KIAA1958: variants seen among roughly 807,000 people sequenced by gnomAD.
The protein encoded by KIAA1958 is uncharacterized protein KIAA1958.
Under a neutral mutation model 47.2 loss-of-function variants are expected in KIAA1958, and 14 were observed. The ratio of observed to expected loss-of-function variants is 0.30; its 90% confidence interval spans 0.20 to 0.46. KIAA1958 has a LOEUF of 0.46. Among genes scored for constraint, KIAA1958 ranks in the 20% least tolerant of loss-of-function variants. KIAA1958 has a pLI of 1.00. For synonymous variants in KIAA1958, 354 were observed against 353.3 expected (o/e 1.00, Z -0.02); for missense variants, 803 against 909.2 (o/e 0.88, Z 1.50).
At chr9:112,568,963 A>G (rs1205996106) in intron 1 of KIAA1958, among the ~76,000 whole-genome samples, 2 of 149,246 alleles carry the variant, frequency 1.3e-5, no homozygotes, top group South Asian at 4.3e-4. Context: ...AAAAAAAAAA[A>G]AAAATTGACA....
At chr9:112,649,442 A>G (rs1436038750) in intron 3 of KIAA1958, among the ~76,000 whole-genome samples, 1 of 152,030 alleles carries the variant, frequency 6.6e-6, no homozygotes, top group Non-Finnish European at 1.5e-5. Flanking sequence ...TACAGACATG[A>G]GCCACCATAC....
intron 2 of KIAA1958, among the ~76,000 whole-genome samples, chr9:112,590,310 GAGGTGACAACTCCTGACCCATC>G (rs1416300579): frequency 6.6e-6 from 1 of 150,976 alleles, no homozygotes; most frequent in Non-Finnish European, 1.5e-5. Flanking sequence ...GAATCCTCAT[GAGGTGACAACTCCTGACCCATC>G]AAGCTCCAGA....
At chr9:112,536,364 A>G (rs1051558816) in intron 1 of KIAA1958, among the ~76,000 whole-genome samples, 1 of 152,254 alleles carries the variant, frequency 6.6e-6, no homozygotes, top group African/African-American at 2.4e-5. Context: ...TTTAGCCTAT[A>G]GAATACTCAG....
chr9:112,534,089 A>C (rs1271773362), intron 1 of KIAA1958, among the ~76,000 whole-genome samples: 1 of 152,212 alleles, frequency 6.6e-6, no homozygotes, highest in Admixed American at 6.5e-5. Flanking sequence ...CAAGTTACTT[A>C]ACCTCTTTGT....
chr9:112,592,539 C>G lies in KIAA1958; in HGVS notation c.1171+17288C>G, dbSNP rs149949245. On this transcript the variant is annotated intron_variant, in intron 2 of 3. Transcript: ENST00000337530. ...TGTTTTAATGGGTCATTGTAAGGAA[C>G]AAGTTAATCAAAGTAAAGCACTTAG... Among the ~76,000 whole-genome samples the G allele has an allele frequency of 1.1e-4, 17 of 152,302 alleles. No individual in the cohort carries two copies. The East Asian group carries it at 3.3e-3, about 29-fold the overall frequency.
intron 1 of KIAA1958, among the ~76,000 whole-genome samples, chr9:112,552,523 G>A (rs1835168587): frequency 6.6e-6 from 1 of 152,192 alleles, no homozygotes; most frequent in African/African-American, 2.4e-5. Flanking sequence ...CTCTTCACTT[G>A]AGAGGTTTAA....
intron 1 of KIAA1958, among the ~76,000 whole-genome samples, chr9:112,539,452 C>G (rs888078527): frequency 2.0e-5 from 3 of 152,092 alleles, no homozygotes; most frequent in Admixed American, 6.5e-5. Flanking sequence ...ATTTCATTTT[C>G]ATGAAATGGG....
chr9:112,618,475 G>A lies in KIAA1958; in HGVS notation c.1172-27175G>A. Reference sequence around the variant, plus strand: ...GGATGGGTCAGGACACTGGAGACTTGAATGCCAAAACCAAGAGAGGGGGGA... The same window carrying A: ...GGATGGGTCAGGACACTGGAGACTTAAATGCCAAAACCAAGAGAGGGGGGA... On this transcript the variant is annotated intron_variant, in intron 2 of 3. Transcript: ENST00000337530. The surrounding 1 kb of genome is among the most constrained non-coding windows in gnomAD (Gnocchi z 7.1). 1.9e-6 allele frequency: 3 copies of A among 1,550,906 alleles called. No homozygotes were observed. The highest frequency in any genetic ancestry group is 2.6e-6 in the Non-Finnish European group (3 of 1,147,064).
At chr9:112,619,665 G>T (rs148844642) in intron 2 of KIAA1958, among the ~76,000 whole-genome samples, 1 of 152,186 alleles carries the variant, frequency 6.6e-6, no homozygotes, top group African/African-American at 2.4e-5. Context: ...CTGTTACATA[G>T]CTCATTTTAA....
chr9:112,567,532 C>G (rs1013152827), intron 1 of KIAA1958, among the ~76,000 whole-genome samples: 4 of 152,156 alleles, frequency 2.6e-5, no homozygotes, highest in Admixed American at 2.0e-4. Context: ...CAAGAGCTTT[C>G]CCAAAACCCC....
chr9:112,635,510 C>A (rs993340038), intron 2 of KIAA1958, among the ~76,000 whole-genome samples: 1 of 152,164 alleles, frequency 6.6e-6, no homozygotes. Flanking sequence ...CCTTGGCCTC[C>A]CAAACTGTTG....
chr9:112,639,535 T>A (rs1426707058), intron 2 of KIAA1958, among the ~76,000 whole-genome samples: 2 of 152,158 alleles, frequency 1.3e-5, no homozygotes, highest in Admixed American at 6.5e-5. Context: ...AGGCCCTGAC[T>A]CTTCACACAG....
chr9:112,617,860 A>C, intron 2 of KIAA1958: 1 of 1,537,514 alleles, frequency 6.5e-7, no homozygotes, highest in Non-Finnish European at 8.8e-7. Context: ...TCCCCCCCCA[A>C]TTTGTTGCAG....
chr9:112,522,154 A>G (rs1395656521), intron 1 of KIAA1958, among the ~76,000 whole-genome samples: 1 of 152,066 alleles, frequency 6.6e-6, no homozygotes, highest in Non-Finnish European at 1.5e-5. Context: ...TATTTTTAGT[A>G]GAGACGAGGT....
intron 2 of KIAA1958, among the ~76,000 whole-genome samples, chr9:112,613,309 T>C (rs1836358565): frequency 6.6e-6 from 1 of 152,190 alleles, no homozygotes; most frequent in South Asian, 2.1e-4. Flanking sequence ...GTGGATATTT[T>C]GGTAAATGGC....
At chr9:112,617,551 G>A (rs1354297639) in intron 2 of KIAA1958, among the ~76,000 whole-genome samples, 1 of 152,150 alleles carries the variant, frequency 6.6e-6, no homozygotes, top group East Asian at 1.9e-4. Flanking sequence ...GCACATTTCT[G>A]TCCCACATTT....
rs1196531078 is a variant in KIAA1958 at position 112,575,021 on chromosome 9, C to A, written c.941C>A (p.Thr314Lys). Residue 314 changes from threonine to lysine, a missense_variant, in exon 2 of 4, where the codon ACA becomes AAA. Coordinates refer to ENST00000337530, the MANE Select transcript of KIAA1958 (RefSeq NM_133465.4). The part of the protein sequence containing the change: ...QQVAMQMPVS[T>K]SHPNKQISIP... The stretch of plus-strand genomic sequence containing the variant: ...GTGGCCATGCAAATGCCTGTGAGCA[C>A]ATCCCATCCTAACAAACAGATCAGT... 3 of 1,614,046 alleles carry A rather than the reference C, an allele frequency of 1.9e-6. No individual in the cohort carries two copies. Among genetic ancestry groups the A allele is most frequent in the Middle Eastern group, 3.3e-4 (2 of 6,084 alleles).
chr9:112,537,522 T>C (rs1028051160), intron 1 of KIAA1958, among the ~76,000 whole-genome samples: 9 of 152,224 alleles, frequency 5.9e-5, no homozygotes, highest in African/African-American at 1.4e-4. Flanking sequence ...TCAAAAGATA[T>C]CTAATTGACC....
Position 112,574,875 on chromosome 9 carries a change from C to T in KIAA1958, c.795C>T (p.Asp265=). The change falls in exon 2 of 4, where the codon GAC becomes GAT. Residue 265 remains aspartate (D), a synonymous_variant. Transcript: ENST00000337530. Reference sequence around the variant, plus strand: ...CATCTGCCATCAGCACGGAGCTAGACCCACACGGTATGTCTGCATCCCCCT... The same window carrying T: ...CATCTGCCATCAGCACGGAGCTAGATCCACACGGTATGTCTGCATCCCCCT... ...HVTSAISTEL[D]PHGMSASPSV... The T allele has an allele frequency of 6.2e-7, 1 of 1,614,142 alleles. No individual in the cohort carries two copies. Among genetic ancestry groups the T allele is most frequent in the Non-Finnish European group, 8.5e-7 (1 of 1,180,020 alleles).
Sources: allele counts gnomAD v4.1 joint callset (sites outside exome capture counted in the v4.1 genomes callset), GRCh38; gene constraint gnomAD v4.1.1; non-coding constraint Gnocchi (gnomAD v3.1); transcripts MANE v1.5; gene names NCBI Gene and HGNC (gene_info 2026-07-23, HGNC 2026-07-21).